Variants in PPIL6 observed in about 807,000 individuals in gnomAD.
The protein encoded by PPIL6 is peptidylprolyl isomerase like 6.
PPIL6 carries 39 observed loss-of-function variants against 36.8 expected under a neutral mutation model. That is an observed-to-expected ratio of 1.06 (90% confidence interval 0.82 to 1.38). PPIL6 has a LOEUF of 1.38. PPIL6 is among the 40% of genes most tolerant of loss of function. The pLI, the probability that PPIL6 is intolerant of heterozygous loss-of-function variation, is 0.00. For missense variants in PPIL6, 368 were observed against 379.1 expected (o/e 0.97, Z 0.24); for synonymous variants, 123 against 134.1 (o/e 0.92, Z 0.57).
At chr6:109,407,240 CTT>C (rs111574045) in intron 6 of PPIL6, among the ~76,000 whole-genome samples, 1 of 144,744 alleles carries the variant, frequency 6.9e-6, no homozygotes, top group African/African-American at 2.5e-5. Flanking sequence ...ATGGAATATT[CTT>C]TTTTTTTTTT....
chr6:109,431,252 C>A lies in PPIL6; in HGVS notation c.325G>T (p.Ala109Ser). The A allele has an allele frequency of 1.2e-6, 2 of 1,612,004 alleles. No individual in the cohort carries two copies. The highest frequency in any genetic ancestry group is 3.3e-5 in the Admixed American group (2 of 59,990). ...TCAACTATATCCCACACCTCGTGGG[C>A]CCATTTCTGCAGATCCAATGCATCA... ...LGDALDLQKW[A>S]HEVWDIVDIK... The change falls in exon 3 of 8, where the codon GCC becomes TCC. Residue 109 changes from alanine to serine, a missense_variant. By Grantham distance (99) the Ala-to-Ser change is moderately conservative. Transcript: ENST00000521072.
At chr6:109,418,581 C>T (rs375168199) in intron 6 of PPIL6, among the ~76,000 whole-genome samples, 29 of 148,258 alleles carry the variant, frequency 2.0e-4, no homozygotes. Flanking sequence ...GAGTCTCACT[C>T]TGTCACCCAG....
intron 6 of PPIL6, among the ~76,000 whole-genome samples, chr6:109,409,649 C>A (rs1562260510): frequency 2.0e-5 from 3 of 151,214 alleles, no homozygotes; most frequent in African/African-American, 7.3e-5. Context: ...AGACTCCACA[C>A]AAAAGTCTAT....
intron 2 of PPIL6, among the ~76,000 whole-genome samples, chr6:109,432,398 C>A (rs1269056615): frequency 1.3e-5 from 2 of 152,060 alleles, no homozygotes; most frequent in East Asian, 3.9e-4. Context: ...TCTAAATCTC[C>A]GGTGGGCTTG....
chr6:109,408,475 A>C (rs969674903), intron 6 of PPIL6, among the ~76,000 whole-genome samples: 9 of 152,158 alleles, frequency 5.9e-5, no homozygotes, highest in Non-Finnish European at 1.3e-4. Flanking sequence ...TTCACTTGAG[A>C]TATATAAATA....
At chr6:109,397,925 C>T (rs1772365770) in intron 7 of PPIL6, among the ~76,000 whole-genome samples, 2 of 151,230 alleles carry the variant, frequency 1.3e-5, no homozygotes, top group Non-Finnish European at 2.9e-5. Context: ...TGGTGTCTCA[C>T]CCTGTCGTCA....
chr6:109,429,107 G>T (rs184956279), intron 3 of PPIL6, among the ~76,000 whole-genome samples: 23 of 152,258 alleles, frequency 1.5e-4, no homozygotes, highest in African/African-American at 4.8e-4. Context: ...AAATCCCTGG[G>T]TTTTATTCAG....
chr6:109,431,867 TC>T (rs1774174136), intron 2 of PPIL6, among the ~76,000 whole-genome samples: 1 of 152,244 alleles, frequency 6.6e-6, no homozygotes, highest in Admixed American at 6.5e-5. Context: ...TCTGATTCAT[TC>T]TTTTTTCTTT....
chr6:109,411,887 T>C (rs1439721679), intron 6 of PPIL6, among the ~76,000 whole-genome samples: 1 of 152,196 alleles, frequency 6.6e-6, no homozygotes. Flanking sequence ...AAGACTGGCC[T>C]TCACCCTTCT....
intron 2 of PPIL6, among the ~76,000 whole-genome samples, chr6:109,434,485 T>C (rs1269858022): frequency 2.0e-5 from 3 of 152,142 alleles, no homozygotes; most frequent in Admixed American, 2.0e-4. Context: ...ATAAGCAGAA[T>C]TGTAAGTGTT....
upstream of PPIL6, chr6:109,441,167 T>G (rs1445430589): frequency 6.2e-7 from 1 of 1,613,986 alleles, no homozygotes; most frequent in East Asian, 2.2e-5. Context: ...CAACCTCAAC[T>G]GCTGGTGAGT....
intron 6 of PPIL6, among the ~76,000 whole-genome samples, chr6:109,417,060 C>A (rs767953344): frequency 3.3e-5 from 5 of 151,320 alleles, no homozygotes; most frequent in Non-Finnish European, 7.4e-5. Context: ...GTCCTAGTTA[C>A]CTGGGAGGTT....
At chr6:109,409,585 G>A (rs945674484) in intron 6 of PPIL6, among the ~76,000 whole-genome samples, 1 of 150,390 alleles carries the variant, frequency 6.6e-6, no homozygotes. Flanking sequence ...AAAAGAAAGA[G>A]GTCAAATTAT....
chr6:109,439,639 C>G (rs996025696), intron 1 of PPIL6, among the ~76,000 whole-genome samples: 3 of 152,144 alleles, frequency 2.0e-5, no homozygotes, highest in Admixed American at 1.3e-4. Flanking sequence ...GCCAAGATAT[C>G]TTCTATTTGG....
chr6:109,432,927 A>G (rs574498372), intron 2 of PPIL6, among the ~76,000 whole-genome samples: 5 of 152,310 alleles, frequency 3.3e-5, no homozygotes, highest in Admixed American at 2.0e-4. Flanking sequence ...TGCCCTTATC[A>G]AAACCTGCTT....
intron 2 of PPIL6, among the ~76,000 whole-genome samples, chr6:109,434,230 G>A (rs560232945): frequency 1.3e-5 from 2 of 152,240 alleles, no homozygotes; most frequent in Non-Finnish European, 2.9e-5. Flanking sequence ...AACCAGGACC[G>A]TTTGTCACCC....
At chr6:109,436,527 G>A (rs1774456581) in intron 1 of PPIL6, among the ~76,000 whole-genome samples, 1 of 152,146 alleles carries the variant, frequency 6.6e-6, no homozygotes, top group African/African-American at 2.4e-5. Context: ...AGACCAGCCT[G>A]GCCAACATGG....
intron 7 of PPIL6, among the ~76,000 whole-genome samples, chr6:109,399,342 C>G (rs6929106): frequency 6.6e-6 from 1 of 151,928 alleles, no homozygotes; most frequent in Non-Finnish European, 1.5e-5. Context: ...CTTCTGCCCT[C>G]GAGTGATCTG....
At position 109,440,272 on chromosome 6, in the gene PPIL6, G is replaced by GC. The variant is rs1365962682; in HGVS notation, c.135+183dup. 4 of 751,056 alleles carry GC rather than the reference G, an allele frequency of 5.3e-6. No homozygotes were observed. The East Asian group carries it at 8.8e-5, about 17-fold the overall frequency. 46.5% of individuals were successfully genotyped at this position (751,056 alleles called of 1,614,324 possible). ...AACGCCCGCCCCCGGACCCGCACTT[G>GC]CCCCCCTATACTCTCCTCCCGGTCC... On this transcript the variant is annotated intron_variant, in intron 1 of 7. Coordinates refer to ENST00000521072, the MANE Select transcript of PPIL6 (RefSeq NM_173672.5).
Sources: gnomAD v4.1 joint callset for allele counts (sites outside exome capture counted in the v4.1 genomes callset) on GRCh38, gnomAD v4.1.1 for gene constraint, MANE v1.5 for transcripts, NCBI Gene and HGNC (gene_info 2026-07-23, HGNC 2026-07-21) for gene names.